The following BBX variants were observed in gnomAD, a reference collection of about 807,000 sequenced individuals.
BBX encodes the protein BBX high mobility group box domain containing, also known as HMG box transcription factor BBX.
BBX carries 30 observed loss-of-function variants against 100.2 expected under a neutral mutation model. The observed-to-expected ratio is 0.30, with a 90% CI of 0.22 to 0.41. The LOEUF (loss-of-function observed/expected upper bound fraction) is 0.41, where lower values mean the gene tolerates loss of function less well. Among genes scored for constraint, BBX ranks in the 10% least tolerant of loss-of-function variants. The pLI, the probability that BBX is intolerant of heterozygous loss-of-function variation, is 1.00. For missense variants in BBX, 1,023 were observed against 1,129.8 expected (o/e 0.91, Z 1.35); for synonymous variants, 376 against 388.1 (o/e 0.97, Z 0.37).
chr3:107,541,975 G>A (rs1381987960), intron 2 of BBX, among the ~76,000 whole-genome samples: 2 of 151,952 alleles, frequency 1.3e-5, no homozygotes, highest in Admixed American at 6.6e-5. Context: ...TTGTCACCAC[G>A]ACTGGATAGT....
At chr3:107,542,295 C>T (rs548863253) in intron 2 of BBX, among the ~76,000 whole-genome samples, 161 of 152,104 alleles carry the variant, frequency 1.1e-3, no homozygotes, top group African/African-American at 3.5e-3. Flanking sequence ...GACACAAAAG[C>T]GGTTTATTTT....
At chr3:107,644,907 G>A (rs2057425140) in intron 2 of BBX, among the ~76,000 whole-genome samples, 1 of 152,056 alleles carries the variant, frequency 6.6e-6, no homozygotes, top group South Asian at 2.1e-4. Flanking sequence ...AATGTGAAGA[G>A]CCAGTTCTTC....
intron 10 of BBX, among the ~76,000 whole-genome samples, chr3:107,761,895 GT>G (rs2065929378): frequency 6.6e-6 from 1 of 152,068 alleles, no homozygotes; most frequent in Non-Finnish European, 1.5e-5. Flanking sequence ...TAAGATTTCT[GT>G]TGTGTCTTCA....
At chr3:107,778,994 C>CAT (rs1286419462) in intron 13 of BBX, among the ~76,000 whole-genome samples, 2,218 of 68,092 alleles carry the variant, frequency 0.033, 79 homozygotes, top group South Asian at 0.076. Context: ...CCTCCAGCAA[C>CAT]ATATATATAT....
At chr3:107,722,131 T>C (rs1274488783) in intron 5 of BBX, among the ~76,000 whole-genome samples, 4 of 152,060 alleles carry the variant, frequency 2.6e-5, no homozygotes, top group Non-Finnish European at 4.4e-5. Flanking sequence ...ACATAGATGT[T>C]AATTAAGTGA....
At chr3:107,620,951 T>TGGGGGGGGGGGGGGGG (rs1269711560) in intron 2 of BBX, among the ~76,000 whole-genome samples, 1 of 71,026 alleles carries the variant, frequency 1.4e-5, no homozygotes, top group African/African-American at 4.7e-5. Context: ...TGTGGGGGGG[T>TGGGGGGGGGGGGGGGG]GGGGGGAGAA....
intron 2 of BBX, among the ~76,000 whole-genome samples, chr3:107,554,914 C>T (rs1288532860): frequency 6.6e-6 from 1 of 151,804 alleles, no homozygotes; most frequent in African/African-American, 2.4e-5. Flanking sequence ...ACTAAAAATA[C>T]AAAATTAGCC....
chr3:107,560,193 A>T (rs2107470034), intron 2 of BBX, among the ~76,000 whole-genome samples: 1 of 150,504 alleles, frequency 6.6e-6, no homozygotes, highest in East Asian at 2.0e-4. Flanking sequence ...TGTAGGGAAA[A>T]TAATGGGAAA....
chr3:107,570,863 G>A (rs1259780280), intron 2 of BBX, among the ~76,000 whole-genome samples: 1 of 152,126 alleles, frequency 6.6e-6, no homozygotes, highest in East Asian at 1.9e-4. Context: ...CGCACTGGGA[G>A]TAGAGACTAG....
chr3:107,752,459 C>A lies in BBX; in HGVS notation c.826-3139C>A, dbSNP rs74977068. Among the ~76,000 whole-genome samples the A allele has an allele frequency of 0.013, 1,982 of 152,190 alleles. 233 individuals carry two copies. The East Asian group carries it at 0.29, about 22-fold the overall frequency. ...TTGTTCTTTGACTCATTTATTCATTCAACAATTATCAGTCATTTTCTCCCA... is the reference window on the plus strand; with the variant it reads ...TTGTTCTTTGACTCATTTATTCATTAAACAATTATCAGTCATTTTCTCCCA... On this transcript the variant is annotated intron_variant, in intron 9 of 17. Coordinates refer to ENST00000325805, the MANE Select transcript of BBX (RefSeq NM_001142568.3).
intron 10 of BBX, among the ~76,000 whole-genome samples, chr3:107,757,239 CT>C (rs2065553148): frequency 6.6e-6 from 1 of 151,642 alleles, no homozygotes; most frequent in South Asian, 2.1e-4. Context: ...GGGTACTTTG[CT>C]GCATGGGGGG....
In BBX at chr3:107,810,422, T is replaced by C. The variant is rs928520285; in HGVS notation, c.*4965T>C. 6.6e-6 allele frequency: 1 copy of C among 152,192 alleles called. No individual in the cohort carries two copies. The highest frequency in any genetic ancestry group is 1.5e-5 in the Non-Finnish European group (1 of 68,034). The allele number at this position is 152,192 out of a possible 1,614,324, so 9.4% of individuals were successfully genotyped here. ...TGAACATTACTGCTCCCTCCAAAGA[T>C]TTCCTGATAACTTGGGCCAGAGGTG... On this transcript the variant is annotated 3_prime_UTR_variant, in exon 18 of 18. Coordinates refer to ENST00000325805, the MANE Select transcript of BBX (RefSeq NM_001142568.3).
intron 2 of BBX, among the ~76,000 whole-genome samples, chr3:107,572,503 A>G (rs1290926499): frequency 6.6e-6 from 1 of 152,172 alleles, no homozygotes; most frequent in Non-Finnish European, 1.5e-5. Flanking sequence ...ATGCTTTATA[A>G]TTACAGGTAA....
chr3:107,619,700 G>A (rs939610842), intron 2 of BBX, among the ~76,000 whole-genome samples: 2 of 151,962 alleles, frequency 1.3e-5, no homozygotes, highest in Non-Finnish European at 2.9e-5. Context: ...TTGCTGAAGG[G>A]TATTTTCACT....
Position 107,773,757 on chromosome 3 carries a change from A to G in BBX, c.1915+121A>G, listed in dbSNP as rs2067099359. On this transcript the variant is annotated intron_variant, in intron 11 of 17. Transcript: ENST00000325805. This position sits in a 1 kb window ranked among gnomAD's most constrained non-coding sequence, Gnocchi z 4.1. ...TATCAAAATAATACCTTACATTTGT[A>G]TATTTCTTTATGGTTTATAGATCAT... 3 of 874,612 alleles carry G rather than the reference A, an allele frequency of 3.4e-6. No homozygotes were observed. The highest frequency in any genetic ancestry group is 5.1e-6 in the Non-Finnish European group (3 of 584,580). The allele number at this position is 874,612 out of a possible 1,614,324, so 54.2% of individuals were successfully genotyped here. A position where few individuals can be genotyped will look rare whatever the true frequency, so the allele number is the denominator to read the frequency against.
chr3:107,766,806 C>T (rs184632256), intron 10 of BBX, among the ~76,000 whole-genome samples: 1 of 152,204 alleles, frequency 6.6e-6, no homozygotes, highest in Non-Finnish European at 1.5e-5. Context: ...GGAACCAGCC[C>T]AATTGTCCAT....
At chr3:107,765,665 A>T (rs1357959294) in intron 10 of BBX, among the ~76,000 whole-genome samples, 1 of 151,772 alleles carries the variant, frequency 6.6e-6, no homozygotes, top group East Asian at 1.9e-4. Flanking sequence ...GACCTTTCTG[A>T]CTACACAAAA....
In BBX at chr3:107,805,575, C is replaced by T; in HGVS notation, c.*118C>T. On this transcript the variant is annotated 3_prime_UTR_variant, in exon 18 of 18. Coordinates refer to ENST00000325805, the MANE Select transcript of BBX (RefSeq NM_001142568.3). Reference sequence around the variant, plus strand: ...TAGACTGCAAACAAGTGCTTGTTGCCCCACACGGCCCAGATTCACTTGAAG... The same window carrying T: ...TAGACTGCAAACAAGTGCTTGTTGCTCCACACGGCCCAGATTCACTTGAAG... 1.3e-6 allele frequency: 2 copies of T among 1,548,336 alleles called. No homozygotes were observed. The highest frequency in any genetic ancestry group is 1.4e-5 in the African/African-American group (1 of 73,154).
At chr3:107,565,507 G>T (rs1288907870) in intron 2 of BBX, among the ~76,000 whole-genome samples, 2 of 149,952 alleles carry the variant, frequency 1.3e-5, no homozygotes. Flanking sequence ...GTCTCACTCT[G>T]TTGCCCAGGC....
Sources: gnomAD v4.1 joint callset for allele counts (sites outside exome capture counted in the v4.1 genomes callset) on GRCh38, gnomAD v4.1.1 for gene constraint, Gnocchi (gnomAD v3.1) non-coding constraint, MANE v1.5 for transcripts, NCBI Gene and HGNC (gene_info 2026-07-23, HGNC 2026-07-21) for gene names.